CBLB: variants seen among roughly 807,000 people sequenced by gnomAD.
The protein encoded by CBLB is Cbl proto-oncogene B, also known as E3 ubiquitin-protein ligase CBL-B.
CBLB carries 31 observed loss-of-function variants against 104.9 expected under a neutral mutation model. That is an observed-to-expected ratio of 0.30 (90% CI 0.22 to 0.40). CBLB has a LOEUF of 0.40. Among genes scored for constraint, CBLB ranks in the 10% least tolerant of loss-of-function variants. The probability of loss-of-function intolerance (pLI) is 1.00; values close to 1 mark genes in which losing one functional copy is unlikely to be tolerated. For missense variants in CBLB, 1,062 were observed against 1,214.6 expected (o/e 0.87, Z 1.87); for synonymous variants, 440 against 422.6 (o/e 1.04, Z -0.51).
At chr3:105,778,095 A>G (rs1479626753) in intron 3 of CBLB, among the ~76,000 whole-genome samples, 1 of 151,958 alleles carries the variant, frequency 6.6e-6, no homozygotes, top group Non-Finnish European at 1.5e-5. Flanking sequence ...GTGCACCTGT[A>G]TATATGAGAG....
At chr3:105,689,985 A>C (rs1225257116) in intron 13 of CBLB, among the ~76,000 whole-genome samples, 1 of 151,598 alleles carries the variant, frequency 6.6e-6, no homozygotes, top group Admixed American at 6.6e-5. Context: ...CAAATTACAC[A>C]ATAAAAGTCA....
chr3:105,736,844 T>C (rs1300128351), intron 8 of CBLB, among the ~76,000 whole-genome samples: 2 of 152,092 alleles, frequency 1.3e-5, no homozygotes, highest in Non-Finnish European at 2.9e-5. Flanking sequence ...GACTCTAAAA[T>C]CTAAGGCATA....
chr3:105,697,271 A>C (rs576425763), intron 12 of CBLB, among the ~76,000 whole-genome samples: 6 of 152,114 alleles, frequency 3.9e-5, no homozygotes, highest in East Asian at 1.9e-4. Flanking sequence ...TTAGAAATCT[A>C]GGTTATCTTA....
intron 14 of CBLB, 103 bp from the exon 15 acceptor site, chr3:105,681,921 T>C: frequency 1.4e-6 from 1 of 722,800 alleles, no homozygotes; most frequent in Non-Finnish European, 2.4e-6. Context: ...TTAATAAAGT[T>C]TGAACATATA....
chr3:105,671,536 TAAAGC>T (rs1054463723), intron 17 of CBLB: 15 of 212,470 alleles, frequency 7.1e-5, no homozygotes, highest in African/African-American at 3.4e-4. Context: ...ATTGCTAATG[TAAAGC>T]AAAAATTGTA....
intron 4 of CBLB, among the ~76,000 whole-genome samples, chr3:105,766,134 T>C (rs1318545637): frequency 3.3e-5 from 5 of 152,180 alleles, no homozygotes; most frequent in Admixed American, 6.5e-5. Context: ...TAACTGTAGA[T>C]GTAGAATTTG....
intron 5 of CBLB, among the ~76,000 whole-genome samples, chr3:105,746,849 G>C: frequency 6.6e-6 from 1 of 152,192 alleles, no homozygotes; most frequent in Middle Eastern, 3.2e-3. Context: ...CAGGACCAAT[G>C]CAAGTGTCAG....
chr3:105,849,468 C>A (rs767481812), intron 3 of CBLB, among the ~76,000 whole-genome samples: 2 of 152,078 alleles, frequency 1.3e-5, no homozygotes, highest in Non-Finnish European at 2.9e-5. Flanking sequence ...GAATGAGTGA[C>A]CTCATTGTGA....
At position 105,722,817 on chromosome 3, in the gene CBLB, T is replaced by C. The variant is rs371080879; in HGVS notation, c.1204-2567A>G. On this transcript the variant is annotated intron_variant, in intron 9 of 18. Transcript: ENST00000394030. ...GTGAAAGGCAATAACTGTGTCTTTA[T>C]AGCACAAGAAAAAACAAAGAACTGT... Among the ~76,000 whole-genome samples the C allele has an allele frequency of 1.2e-4, 18 of 152,326 alleles. No homozygotes were observed. In the South Asian group the frequency reaches 3.1e-3, roughly 26 times the overall value.
At chr3:105,692,583 A>G (rs911099950) in intron 13 of CBLB, among the ~76,000 whole-genome samples, 2 of 152,140 alleles carry the variant, frequency 1.3e-5, no homozygotes, top group Non-Finnish European at 2.9e-5. Context: ...ATATAATTAC[A>G]GGGCAAGTAT....
chr3:105,697,747 T>C (rs2152767522), intron 12 of CBLB, among the ~76,000 whole-genome samples: 2 of 152,208 alleles, frequency 1.3e-5, no homozygotes, highest in South Asian at 4.1e-4. Flanking sequence ...GCAAAGGTCA[T>C]CTTTAGGACA....
chr3:105,675,215 A>T (rs2065466991), intron 17 of CBLB, among the ~76,000 whole-genome samples: 1 of 152,226 alleles, frequency 6.6e-6, no homozygotes, highest in Non-Finnish European at 1.5e-5. Flanking sequence ...GTATCATTAC[A>T]CCAGACTAAG....
intron 3 of CBLB, among the ~76,000 whole-genome samples, chr3:105,843,934 T>C (rs2153101751): frequency 6.6e-6 from 1 of 152,304 alleles, no homozygotes; most frequent in South Asian, 2.1e-4. Flanking sequence ...TAAAAAGATA[T>C]GTTTAAATTC....
chr3:105,752,340 G>A (rs1177099215), intron 4 of CBLB, among the ~76,000 whole-genome samples: 1 of 151,964 alleles, frequency 6.6e-6, no homozygotes, highest in African/African-American at 2.4e-5. Context: ...CTAGGGAAAC[G>A]TCTCTCAACC....
chr3:105,657,889 G>A lies in CBLB; in HGVS notation c.*1081C>T, dbSNP rs2063451933. On this transcript the variant is annotated 3_prime_UTR_variant, in exon 19 of 19. Transcript: ENST00000394030. ...CTCAACAGTGCAACGAAGAGTTAATGTTTCCACTGCAATATGAACTGGTTC... is the reference window on the plus strand; with the variant it reads ...CTCAACAGTGCAACGAAGAGTTAATATTTCCACTGCAATATGAACTGGTTC... The A allele has an allele frequency of 4.7e-6, 1 of 210,710 alleles. No individual in the cohort carries two copies. Among genetic ancestry groups the A allele is most frequent in the African/African-American group, 2.3e-5 (1 of 44,254 alleles). 13.1% of individuals were successfully genotyped at this position (210,710 alleles called of 1,614,324 possible). A position where few individuals can be genotyped will look rare whatever the true frequency, so the allele number is the denominator to read the frequency against.
At chr3:105,716,634 T>C (rs1246299148) in intron 10 of CBLB, among the ~76,000 whole-genome samples, 1 of 152,210 alleles carries the variant, frequency 6.6e-6, no homozygotes. Flanking sequence ...TTTAATTGAC[T>C]AGAGGCAGAT....
chr3:105,680,746 A>G (rs548708755), intron 16 of CBLB, among the ~76,000 whole-genome samples: 1 of 152,362 alleles, frequency 6.6e-6, no homozygotes, highest in Non-Finnish European at 1.5e-5. Context: ...ATTGACTTTC[A>G]TCATATATTA....
chr3:105,834,874 C>T (rs1220393756), intron 3 of CBLB, among the ~76,000 whole-genome samples: 1 of 152,148 alleles, frequency 6.6e-6, no homozygotes, highest in East Asian at 1.9e-4. Flanking sequence ...TTCAGAAATG[C>T]TGCAGTCTCA....
intron 12 of CBLB, among the ~76,000 whole-genome samples, chr3:105,696,770 G>A (rs1160028747): frequency 6.6e-6 from 1 of 151,828 alleles, no homozygotes; most frequent in Admixed American, 6.6e-5. Context: ...ATTACTTAAT[G>A]TAGAATTCAA....
Sources: allele counts gnomAD v4.1 joint callset (sites outside exome capture counted in the v4.1 genomes callset), GRCh38; gene constraint gnomAD v4.1.1; transcripts MANE v1.5; gene names NCBI Gene and HGNC (gene_info 2026-07-23, HGNC 2026-07-21).